Variants in FBXW11 observed in about 807,000 individuals in gnomAD.
FBXW11 encodes F-box/WD repeat-containing protein 11.
FBXW11 carries 19 observed loss-of-function variants against 77.6 expected under a neutral mutation model. The observed-to-expected ratio is 0.24, with a 90% CI of 0.17 to 0.36. The LOEUF (loss-of-function observed/expected upper bound fraction) is 0.36, where lower values mean the gene tolerates loss of function less well. Ranked by LOEUF, FBXW11 falls within the 10% of genes least tolerant of loss-of-function variation. The pLI, the probability that FBXW11 is intolerant of heterozygous loss-of-function variation, is 1.00. For synonymous variants in FBXW11, 235 were observed against 249.4 expected (o/e 0.94, Z 0.54); for missense variants, 334 against 704.2 (o/e 0.47, Z 5.95).
At chr5:171,961,604 CA>C (rs1462191252) in intron 1 of FBXW11, among the ~76,000 whole-genome samples, 1 of 152,070 alleles carries the variant, frequency 6.6e-6, no homozygotes, top group Non-Finnish European at 1.5e-5. Flanking sequence ...CCACATTCAT[CA>C]ACCTAAGAGC....
At chr5:171,918,323 T>C (rs1445361391) in intron 2 of FBXW11, among the ~76,000 whole-genome samples, 1 of 152,120 alleles carries the variant, frequency 6.6e-6, no homozygotes, top group Non-Finnish European at 1.5e-5. Context: ...AAAATTCTCT[T>C]ATGGAAGCTA....
At chr5:171,948,071 T>TA (rs1581241519) in intron 2 of FBXW11, among the ~76,000 whole-genome samples, 7 of 151,230 alleles carry the variant, frequency 4.6e-5, no homozygotes, top group Admixed American at 3.3e-4. Flanking sequence ...CCATCTCTAC[T>TA]AAAAATACAA....
intron 1 of FBXW11, among the ~76,000 whole-genome samples, chr5:171,986,795 A>G (rs1349585861): frequency 1.3e-5 from 2 of 152,212 alleles, no homozygotes; most frequent in Admixed American, 6.5e-5. Context: ...ACCTATCCAC[A>G]GGTTATTAGC....
At chr5:171,890,407 C>A (rs1206513343) in intron 7 of FBXW11, among the ~76,000 whole-genome samples, 3 of 150,158 alleles carry the variant, frequency 2.0e-5, no homozygotes, top group Non-Finnish European at 2.9e-5. Flanking sequence ...CCTGTAGTCC[C>A]AGCTACTCAG....
intron 1 of FBXW11, among the ~76,000 whole-genome samples, chr5:171,967,883 T>TATATATATATAC (rs1244744249): frequency 8.0e-5 from 6 of 74,988 alleles, no homozygotes; most frequent in African/African-American, 3.6e-4. Context: ...TATATATATA[T>TATATATATATAC]ACACACACAC....
chr5:171,890,054 T>A (rs1405207646), intron 7 of FBXW11, among the ~76,000 whole-genome samples: 14 of 151,724 alleles, frequency 9.2e-5, no homozygotes. Flanking sequence ...GGGTAAAAGA[T>A]CTGAAAAGAA....
At chr5:171,991,339 C>T (rs967544433) in intron 1 of FBXW11, among the ~76,000 whole-genome samples, 8 of 152,068 alleles carry the variant, frequency 5.3e-5, no homozygotes, top group African/African-American at 1.9e-4. Context: ...CCTCAAAAAT[C>T]CCTTAAGGAT....
intron 1 of FBXW11, among the ~76,000 whole-genome samples, chr5:171,997,953 A>C (rs1766158751): frequency 6.6e-6 from 1 of 152,210 alleles, no homozygotes; most frequent in Admixed American, 6.5e-5. Context: ...AAAGCTACTA[A>C]CTGGCCAAGC....
At chr5:171,909,079 T>C (rs1253682643) in intron 4 of FBXW11, among the ~76,000 whole-genome samples, 1 of 152,196 alleles carries the variant, frequency 6.6e-6, no homozygotes. Flanking sequence ...AATCTCTATA[T>C]CTTACCTAGC....
chr5:171,934,216 A>T (rs1351305343), intron 2 of FBXW11, among the ~76,000 whole-genome samples: 1 of 152,218 alleles, frequency 6.6e-6, no homozygotes, highest in Non-Finnish European at 1.5e-5. Context: ...ACTTAAAAAC[A>T]CTCTGAAACA....
intron 2 of FBXW11, among the ~76,000 whole-genome samples, chr5:171,938,340 G>T (rs1286616604): frequency 6.6e-6 from 1 of 152,188 alleles, no homozygotes; most frequent in Non-Finnish European, 1.5e-5. Context: ...TGCGGTTACA[G>T]GCGTGAGCCA....
chr5:171,967,876 A>ATG (rs1764298062), intron 1 of FBXW11, among the ~76,000 whole-genome samples: 1 of 81,012 alleles, frequency 1.2e-5, no homozygotes, highest in African/African-American at 4.9e-5. Flanking sequence ...ATATATATAT[A>ATG]TATATATACA....
intron 7 of FBXW11, among the ~76,000 whole-genome samples, chr5:171,889,819 C>A (rs767588904): frequency 6.6e-6 from 1 of 151,514 alleles, no homozygotes; most frequent in Non-Finnish European, 1.5e-5. Flanking sequence ...ACCCGGGAGG[C>A]GGAGGTTGCA....
chr5:172,002,032 T>C (rs1285275711), intron 1 of FBXW11, among the ~76,000 whole-genome samples: 2 of 152,184 alleles, frequency 1.3e-5, no homozygotes, highest in South Asian at 4.1e-4. Context: ...AAGACTGGAA[T>C]TGGAATCACT....
chr5:171,899,093 C>G lies in FBXW11; in HGVS notation c.625G>C (p.Asp209His). ...GGTCTGTTTTTAAACAGGTACTGATCCCTGGCAAATAAAAACAAACAGATG... is the reference window on the plus strand; with the variant it reads ...GGTCTGTTTTTAAACAGGTACTGATGCCTGGCAAATAAAAACAAACAGATG... ...WKGLSERRGW[D>H]QYLFKNRPTD... Residue 209 changes from aspartate (D) to histidine (H), a missense_variant and splice_region_variant, in exon 6 of 14, where the codon GAT becomes CAT. This residue lies in a region of FBXW11 where 19 missense variants were observed against 16.0 expected (regional missense o/e 1.19). Coordinates refer to ENST00000517395, the MANE Select transcript of FBXW11 (RefSeq NM_001378974.1). The G allele has an allele frequency of 6.3e-7, 1 of 1,590,172 alleles. No individual in the cohort carries two copies. The highest frequency in any genetic ancestry group is 8.5e-7 in the Non-Finnish European group (1 of 1,171,528).
At chr5:171,915,263 AAAC>A (rs1435150581) in intron 2 of FBXW11, among the ~76,000 whole-genome samples, 3 of 152,240 alleles carry the variant, frequency 2.0e-5, no homozygotes, top group Admixed American at 1.3e-4. Flanking sequence ...TATAAAATTT[AAAC>A]AACATTTGTC....
chr5:171,997,822 GAAC>G (rs1766152187), intron 1 of FBXW11, among the ~76,000 whole-genome samples: 1 of 152,026 alleles, frequency 6.6e-6, no homozygotes, highest in South Asian at 2.1e-4. Context: ...GCATTCAGCA[GAAC>G]AACAAAGATA....
Position 171,876,321 on chromosome 5 carries a change from C to T in FBXW11, c.1185G>A (p.Lys395=). ...AAVNVVDFDD[K]YIVSASGDRT... ...TGTCACCAGAGGCAGACACGATGTA[C>T]TTGTCGTCAAAGTCTACTACATTGA... The change falls in exon 9 of 14, where the codon AAG becomes AAA. Residue 395 remains lysine, a synonymous_variant. Coordinates refer to ENST00000517395, the MANE Select transcript of FBXW11 (RefSeq NM_001378974.1). The surrounding 1 kb of genome is among the most constrained non-coding windows in gnomAD (Gnocchi z 4.2). 1 of 1,614,234 alleles carries T rather than the reference C, an allele frequency of 6.2e-7. No individual in the cohort carries two copies. Among genetic ancestry groups the T allele is most frequent in the South Asian group, 1.1e-5 (1 of 91,082 alleles).
chr5:171,915,203 A>ATAGCAGTCT (rs1441824485), intron 2 of FBXW11, among the ~76,000 whole-genome samples: 2 of 152,212 alleles, frequency 1.3e-5, no homozygotes, highest in Non-Finnish European at 2.9e-5. Context: ...TCATTTATGG[A>ATAGCAGTCT]TAGCAGTCTC....
Sources: gnomAD v4.1 joint callset for allele counts (sites outside exome capture counted in the v4.1 genomes callset) on GRCh38, gnomAD v4.1.1 for gene constraint, gnomAD v4.1.1 regional missense constraint, Gnocchi (gnomAD v3.1) non-coding constraint, MANE v1.5 for transcripts, NCBI Gene and HGNC (gene_info 2026-07-23, HGNC 2026-07-21) for gene names.